BANK1: variants seen among roughly 807,000 people sequenced by gnomAD.
BANK1 encodes B cell scaffold protein with ankyrin repeats 1.
Under a neutral mutation model 94.5 loss-of-function variants are expected in BANK1, and 95 were observed. That is an observed-to-expected ratio of 1.00 (90% CI 0.85 to 1.19). The LOEUF (loss-of-function observed/expected upper bound fraction) is 1.19, where lower values mean the gene tolerates loss of function less well. Among genes scored for constraint, BANK1 ranks in the 50% most tolerant of loss-of-function variants. BANK1 has a pLI of 0.00. For missense variants in BANK1, 987 were observed against 932.2 expected (o/e 1.06, Z -0.77); for synonymous variants, 334 against 308.4 (o/e 1.08, Z -0.87).
intron 11 of BANK1, among the ~76,000 whole-genome samples, chr4:102,058,462 A>G (rs745843703): frequency 2.6e-5 from 4 of 151,798 alleles, no homozygotes; most frequent in Non-Finnish European, 4.4e-5. Context: ...AAGGTAAACT[A>G]AAAAAAATAC....
At chr4:101,866,221 A>G (rs748560310) in intron 4 of BANK1, among the ~76,000 whole-genome samples, 5 of 152,166 alleles carry the variant, frequency 3.3e-5, no homozygotes, top group Non-Finnish European at 7.4e-5. Context: ...AAATAACTTT[A>G]ATAGGTTTAC....
intron 13 of BANK1, among the ~76,000 whole-genome samples, chr4:102,066,068 T>A (rs1411994186): frequency 6.6e-6 from 1 of 152,118 alleles, no homozygotes; most frequent in African/African-American, 2.4e-5. Context: ...TGAAAAAACT[T>A]TTAAAAACCA....
chr4:102,003,542 C>T (rs912047333), intron 7 of BANK1, among the ~76,000 whole-genome samples: 1 of 152,146 alleles, frequency 6.6e-6, no homozygotes, highest in African/African-American at 2.4e-5. Flanking sequence ...TGGCTGGGTT[C>T]TAAGGGTGAA....
chr4:102,060,205 T>C lies in BANK1; in HGVS notation c.1970-6T>C, dbSNP rs1458331602. 6.4e-7 allele frequency: 1 copy of C among 1,562,030 alleles called. No homozygotes were observed. The highest frequency in any genetic ancestry group is 2.3e-5 in the East Asian group (1 of 42,924). On this transcript the variant is annotated splice_polypyrimidine_tract_variant and splice_region_variant and intron_variant, in intron 11 of 16. Coordinates refer to ENST00000322953, the MANE Select transcript of BANK1 (RefSeq NM_017935.5). ...TCTGTTAATGCACCCTCCCCTTGTATTTTAGACAGAGCTCGGATAGAGAGT... is the reference window on the plus strand; with the variant it reads ...TCTGTTAATGCACCCTCCCCTTGTACTTTAGACAGAGCTCGGATAGAGAGT...
chr4:101,982,038 T>A (rs905270460), intron 7 of BANK1: 11 of 152,220 alleles, frequency 7.2e-5, no homozygotes, highest in African/African-American at 2.7e-4. Context: ...TTTAACCCCC[T>A]GGATGGGCCC....
intron 5 of BANK1, among the ~76,000 whole-genome samples, chr4:101,893,944 A>G (rs944726659): frequency 1.3e-5 from 2 of 152,042 alleles, no homozygotes; most frequent in African/African-American, 4.8e-5. Context: ...GGAAGTACCT[A>G]GAGTCCTTAA....
At chr4:101,800,546 C>T (rs762883035) in intron 1 of BANK1, among the ~76,000 whole-genome samples, 5 of 152,086 alleles carry the variant, frequency 3.3e-5, no homozygotes, top group Admixed American at 2.0e-4. Context: ...CATTCATTCT[C>T]GTTAAAATCC....
chr4:101,798,216 T>C (rs1725225346), intron 1 of BANK1, among the ~76,000 whole-genome samples: 1 of 151,880 alleles, frequency 6.6e-6, no homozygotes, highest in African/African-American at 2.4e-5. Context: ...TGGGAATGAG[T>C]GGAAGAAGGT....
intron 10 of BANK1, among the ~76,000 whole-genome samples, chr4:102,042,202 G>GA (rs1036249277): frequency 1.6e-4 from 24 of 151,722 alleles, no homozygotes; most frequent in Non-Finnish European, 2.8e-4. Context: ...CTAGCAAATA[G>GA]AAAAAAATCA....
chr4:102,072,216 A>G, intron 14 of BANK1, 129 bp from the exon 15 acceptor site: 1 of 766,464 alleles, frequency 1.3e-6, no homozygotes, highest in Admixed American at 2.6e-5. Flanking sequence ...TCCCCCTTTT[A>G]TCTTCCTAAT....
At chr4:101,901,251 AT>A (rs1722271587) in intron 6 of BANK1, among the ~76,000 whole-genome samples, 1 of 152,242 alleles carries the variant, frequency 6.6e-6, no homozygotes, top group African/African-American at 2.4e-5. Flanking sequence ...AAGAATTATA[AT>A]TCTGATTCAT....
intron 7 of BANK1, among the ~76,000 whole-genome samples, chr4:101,994,619 G>C (rs1040735455): frequency 1.7e-4 from 26 of 152,092 alleles, no homozygotes; most frequent in African/African-American, 6.0e-4. Context: ...GGGCTGATAG[G>C]GGCCTTAGAG....
At chr4:101,868,356 GA>G (rs973722430) in intron 4 of BANK1, among the ~76,000 whole-genome samples, 15 of 151,812 alleles carry the variant, frequency 9.9e-5, no homozygotes, top group African/African-American at 3.6e-4. Context: ...TTTAGAAAAA[GA>G]AAAATTATCA....
At chr4:101,893,125 T>C (rs1324627201) in intron 5 of BANK1, among the ~76,000 whole-genome samples, 1 of 152,076 alleles carries the variant, frequency 6.6e-6, no homozygotes, top group African/African-American at 2.4e-5. Flanking sequence ...TCTTTGTCTA[T>C]GTGGTGACCT....
At chr4:101,836,260 C>A (rs1197645102) in intron 2 of BANK1, among the ~76,000 whole-genome samples, 2 of 152,116 alleles carry the variant, frequency 1.3e-5, no homozygotes. Context: ...GCAGGCAGAT[C>A]ACTTGAGGTC....
intron 7 of BANK1, among the ~76,000 whole-genome samples, chr4:101,986,855 G>GTA (rs769659546): frequency 7.5e-5 from 6 of 79,626 alleles, no homozygotes; most frequent in South Asian, 4.7e-4. Context: ...GTATATATAT[G>GTA]TATATATATA....
chr4:101,853,338 C>T (rs184819937), intron 2 of BANK1, among the ~76,000 whole-genome samples: 9 of 152,314 alleles, frequency 5.9e-5, no homozygotes, highest in Non-Finnish European at 7.4e-5. Flanking sequence ...CTATATGGAG[C>T]TGGTGACTTC....
Position 101,903,262 on chromosome 4 carries a change from A to T in BANK1, c.1009+7852A>T, listed in dbSNP as rs114088275. Among the ~76,000 whole-genome samples the T allele has an allele frequency of 5.8e-3, 876 of 152,344 alleles. 15 individuals are homozygous for T. Among genetic ancestry groups the T allele is most frequent in the African/African-American group, 0.02 (826 of 41,574 alleles). On this transcript the variant is annotated intron_variant, in intron 6 of 16. Coordinates refer to ENST00000322953, the MANE Select transcript of BANK1 (RefSeq NM_017935.5). Reference sequence around the variant, plus strand: ...ACACCTTCATTTTAGGAAAATGATTATGGAGAATACCCACAAAGTCAGCTA... The same window carrying T: ...ACACCTTCATTTTAGGAAAATGATTTTGGAGAATACCCACAAAGTCAGCTA...
At chr4:101,853,532 G>A (rs969847548) in intron 2 of BANK1, among the ~76,000 whole-genome samples, 3 of 152,098 alleles carry the variant, frequency 2.0e-5, no homozygotes, top group African/African-American at 7.2e-5. Context: ...AGAACCATGG[G>A]GTATCTCAGG....
Sources: allele counts gnomAD v4.1 joint callset (sites outside exome capture counted in the v4.1 genomes callset), GRCh38; gene constraint gnomAD v4.1.1; transcripts MANE v1.5; gene names NCBI Gene and HGNC (gene_info 2026-07-23, HGNC 2026-07-21).